USP32: variants seen among roughly 807,000 people sequenced by gnomAD.
USP32 encodes the protein ubiquitin carboxyl-terminal hydrolase 32.
Under a neutral mutation model 204.8 loss-of-function variants are expected in USP32, and 59 were observed. The ratio of observed to expected loss-of-function variants is 0.29; its 90% CI spans 0.23 to 0.36. USP32 has a LOEUF of 0.36. USP32 is among the 10% of genes least tolerant of loss of function. The probability of loss-of-function intolerance (pLI) is 1.00; values close to 1 mark genes in which losing one functional copy is unlikely to be tolerated. For missense variants in USP32, 1,160 were observed against 1,946.4 expected (o/e 0.60, Z 7.60); for synonymous variants, 517 against 678.4 (o/e 0.76, Z 3.70).
At chr17:60,315,748 GC>G (rs2087960219) in intron 2 of USP32, 2 of 152,268 alleles carry the variant, frequency 1.3e-5, no homozygotes, top group Non-Finnish European at 2.9e-5. Flanking sequence ...ATGGGTGTTT[GC>G]AGCCATTACA....
rs397833463 is a variant in USP32 at position 60,220,746 on chromosome 17, C to T, written c.1750-959G>A. On this transcript the variant is annotated intron_variant, in intron 15 of 33. Coordinates refer to ENST00000300896, the MANE Select transcript of USP32 (RefSeq NM_032582.4). ...GCAAGCTCTGCCTCCCGGGTTCTTG[C>T]CATTCTCCCGCCTCAGCCTCCCAAG... is the stretch of plus-strand genomic sequence containing the variant. Among the ~76,000 whole-genome samples, 3 of 152,074 alleles carry T rather than the reference C, an allele frequency of 2.0e-5. No individual in the cohort carries two copies. In the South Asian group the frequency reaches 6.2e-4, roughly 31 times the overall value.
intron 17 of USP32, among the ~76,000 whole-genome samples, chr17:60,214,159 C>G (rs977888642): frequency 1.3e-5 from 2 of 152,116 alleles, no homozygotes; most frequent in East Asian, 3.8e-4. Flanking sequence ...CCAGGCTGGT[C>G]TCAAACTCCT....
chr17:60,229,236 C>T (rs1304982534), intron 12 of USP32, among the ~76,000 whole-genome samples: 1 of 151,992 alleles, frequency 6.6e-6, no homozygotes, highest in Non-Finnish European at 1.5e-5. Context: ...GATGGGGTCT[C>T]AATATGTTAC....
At chr17:60,291,051 C>G (rs917271627) in intron 4 of USP32, among the ~76,000 whole-genome samples, 2 of 152,270 alleles carry the variant, frequency 1.3e-5, no homozygotes, top group East Asian at 3.9e-4. Context: ...ACAGAAGACA[C>G]TATTATTATC....
chr17:60,297,842 T>G (rs927434738), intron 3 of USP32, among the ~76,000 whole-genome samples: 1 of 152,198 alleles, frequency 6.6e-6, no homozygotes, highest in African/African-American at 2.4e-5. Flanking sequence ...TTGAAAACAG[T>G]TGCAGCTCAT....
At chr17:60,242,688 T>C (rs2085911047) in intron 11 of USP32, among the ~76,000 whole-genome samples, 1 of 152,230 alleles carries the variant, frequency 6.6e-6, no homozygotes, top group Non-Finnish European at 1.5e-5. Flanking sequence ...ATTACAGGCA[T>C]GAGCCACCAC....
At chr17:60,210,252 A>G (rs1205361365) in intron 21 of USP32, among the ~76,000 whole-genome samples, 1 of 152,016 alleles carries the variant, frequency 6.6e-6, no homozygotes, top group Non-Finnish European at 1.5e-5. Context: ...ACTAAAATCT[A>G]CTACATCTGA....
At chr17:60,190,514 A>G in intron 29 of USP32, 49 bp downstream of exon 29, 1 of 1,505,900 alleles carries the variant, frequency 6.6e-7, no homozygotes, top group Non-Finnish European at 8.8e-7. Flanking sequence ...ACACTGGTGG[A>G]AATTTCTCAT....
At chr17:60,277,325 G>A (rs1598182892) in intron 5 of USP32, among the ~76,000 whole-genome samples, 1 of 152,072 alleles carries the variant, frequency 6.6e-6, no homozygotes, top group East Asian at 1.9e-4. Flanking sequence ...AAAAGGCCAG[G>A]CACATATCCA....
intron 2 of USP32, among the ~76,000 whole-genome samples, chr17:60,321,621 G>T (rs1361668770): frequency 6.6e-6 from 1 of 152,168 alleles, no homozygotes; most frequent in Non-Finnish European, 1.5e-5. Flanking sequence ...CCAAAGAAAT[G>T]AGGGCAAACA....
chr17:60,389,799 A>G (rs912024644), intron 1 of USP32, among the ~76,000 whole-genome samples: 1 of 151,298 alleles, frequency 6.6e-6, no homozygotes, highest in African/African-American at 2.5e-5. Context: ...GGCAGATCAC[A>G]AGGTCAGGAG....
intron 27 of USP32, among the ~76,000 whole-genome samples, chr17:60,197,973 G>T (rs1055802010): frequency 4.6e-5 from 7 of 152,174 alleles, no homozygotes; most frequent in Non-Finnish European, 1.0e-4. Context: ...CTCTACTTTT[G>T]CAACACAGAA....
chr17:60,240,933 A>G (rs2085861442), intron 11 of USP32, among the ~76,000 whole-genome samples: 1 of 152,196 alleles, frequency 6.6e-6, no homozygotes, highest in Admixed American at 6.5e-5. Flanking sequence ...TGAGTTAAGT[A>G]TAACATAGCT....
At position 60,195,442 on chromosome 17, in the gene USP32, A is replaced by G. The variant is rs185492960; in HGVS notation, c.3435-2512T>C. Among the ~76,000 whole-genome samples, 46 of 152,230 alleles carry G rather than the reference A, an allele frequency of 3.0e-4. 1 individual carries two copies. In the East Asian group the frequency reaches 8.9e-3, roughly 30 times the overall value. ...AACTTCCACCTACAGGGTTGAAGCA[A>G]TTCTCAGGCCTCAGCCACCCAAGTA... is the stretch of plus-strand genomic sequence containing the variant. On this transcript the variant is annotated intron_variant, in intron 27 of 33. Transcript: ENST00000300896.
intron 11 of USP32, among the ~76,000 whole-genome samples, chr17:60,247,755 C>T (rs1286231390): frequency 6.6e-6 from 1 of 151,928 alleles, no homozygotes; most frequent in Non-Finnish European, 1.5e-5. Flanking sequence ...GTGATCTTGG[C>T]TCATTGCAAC....
chr17:60,396,227 G>C (rs904668013), upstream of USP32, among the ~76,000 whole-genome samples: 4 of 151,768 alleles, frequency 2.6e-5, no homozygotes, highest in African/African-American at 9.7e-5. Context: ...ACAGGCATGC[G>C]CCACCACACC....
At chr17:60,354,101 A>G (rs561565777) in intron 1 of USP32, among the ~76,000 whole-genome samples, 1 of 152,342 alleles carries the variant, frequency 6.6e-6, no homozygotes, top group Non-Finnish European at 1.5e-5. Flanking sequence ...TTTTTTCTTG[A>G]AGTTCAATAC....
At chr17:60,284,489 G>C (rs1194580565) in intron 5 of USP32, among the ~76,000 whole-genome samples, 1 of 151,718 alleles carries the variant, frequency 6.6e-6, no homozygotes, top group Admixed American at 6.6e-5. Context: ...CAAAGTGCTG[G>C]GATTACAGGC....
At chr17:60,403,104 C>A (rs188141033) in intron 1 of USP32, among the ~76,000 whole-genome samples, 1 of 152,096 alleles carries the variant, frequency 6.6e-6, no homozygotes, top group African/African-American at 2.4e-5. Flanking sequence ...CTCCACCTCC[C>A]GGGTTTAAAT....
Sources: allele counts gnomAD v4.1 joint callset (sites outside exome capture counted in the v4.1 genomes callset), GRCh38; gene constraint gnomAD v4.1.1; transcripts MANE v1.5; gene names NCBI Gene and HGNC (gene_info 2026-07-23, HGNC 2026-07-21).